MRPL48: variants seen among roughly 807,000 people sequenced by gnomAD.
MRPL48 encodes large ribosomal subunit protein mL48.
Under a neutral mutation model 32.9 loss-of-function variants are expected in MRPL48, and 16 were observed. The ratio of observed to expected loss-of-function variants is 0.49; its 90% CI spans 0.33 to 0.74. The LOEUF is 0.74. Ranked by LOEUF, MRPL48 falls within the 30% of genes least tolerant of loss-of-function variation. The probability of loss-of-function intolerance (pLI) is 0.02; values close to 1 mark genes in which losing one functional copy is unlikely to be tolerated. For missense variants in MRPL48, 206 were observed against 245.3 expected, an observed-to-expected ratio of 0.84 and a Z score of 1.07; for synonymous variants, 94 against 89.2, an observed-to-expected ratio of 1.05 and a Z score of -0.31.
intron 4 of MRPL48, among the ~76,000 whole-genome samples, chr11:73,827,209 C>T (rs1410168993): frequency 1.3e-5 from 2 of 151,924 alleles, no homozygotes; most frequent in Non-Finnish European, 2.9e-5. Flanking sequence ...ATGGCAGGAA[C>T]CCCGTCTCTA....
rs115357570 is a variant in MRPL48 at position 73,788,365 on chromosome 11, G to T, written c.21+373G>T. On this transcript the variant is annotated intron_variant, in intron 1 of 7. Coordinates refer to ENST00000310614, the MANE Select transcript of MRPL48 (RefSeq NM_016055.6). ...ATTTGCATTCAGTTATCAACTTCCA[G>T]AATTTTTTCTAAGAATGCAGTTTTG... 1.0e-2 allele frequency among the ~76,000 whole-genome samples: 1,512 copies of T among 151,826 alleles called. 23 individuals are homozygous for T. The highest frequency in any genetic ancestry group is 0.034 in the African/African-American group (1,421 of 41,438).
chr11:73,811,427 A>T (rs908445815), intron 3 of MRPL48, among the ~76,000 whole-genome samples: 4 of 148,472 alleles, frequency 2.7e-5, no homozygotes, highest in African/African-American at 1.0e-4. Flanking sequence ...CTGAAGAGAG[A>T]TGTAGGGTGA....
Position 73,864,644 on chromosome 11 carries a change from T to C in MRPL48, c.*274T>C. ...GTGAGAGAGAGAAATTGGCCCATCC[T>C]GTGGAGTATCTTTAAGAGATTCTAT... On this transcript the variant is annotated 3_prime_UTR_variant, in exon 8 of 8. Transcript: ENST00000310614. 2.2e-6 allele frequency: 1 copy of C among 456,382 alleles called. No individual in the cohort carries two copies. 28.3% of individuals were successfully genotyped at this position (456,382 alleles called of 1,614,324 possible).
In MRPL48 at chr11:73,812,778, C is replaced by T. The variant is rs186647608; in HGVS notation, c.112+4428C>T. On this transcript the variant is annotated intron_variant, in intron 3 of 7. Coordinates refer to ENST00000310614, the MANE Select transcript of MRPL48 (RefSeq NM_016055.6). Reference sequence around the variant, plus strand: ...TTTTTTATTGTTTTTGAGACTGAGTCACGTTCTGTCACCCAGGCTGGAGTA... The same window carrying T: ...TTTTTTATTGTTTTTGAGACTGAGTTACGTTCTGTCACCCAGGCTGGAGTA... Among the ~76,000 whole-genome samples, 9 of 149,802 alleles carry T rather than the reference C, an allele frequency of 6.0e-5. No homozygotes were observed. The East Asian group carries it at 1.8e-3, about 29-fold the overall frequency.
At chr11:73,859,042 A>T (rs1445076732) in intron 5 of MRPL48, among the ~76,000 whole-genome samples, 1 of 152,188 alleles carries the variant, frequency 6.6e-6, no homozygotes. Context: ...TTTGACTGTG[A>T]CCACTTGGGG....
chr11:73,849,524 T>G (rs1948353404), intron 5 of MRPL48, among the ~76,000 whole-genome samples: 1 of 152,266 alleles, frequency 6.6e-6, no homozygotes, highest in Non-Finnish European at 1.5e-5. Context: ...TTCTTTTTGA[T>G]TCTTCTTTTG....
chr11:73,852,558 T>C (rs1371344149), intron 5 of MRPL48, among the ~76,000 whole-genome samples: 1 of 152,124 alleles, frequency 6.6e-6, no homozygotes, highest in Non-Finnish European at 1.5e-5. Context: ...CAGTGAGATA[T>C]CATCTCATCA....
chr11:73,834,860 C>G (rs1052018972), intron 4 of MRPL48, among the ~76,000 whole-genome samples: 5 of 142,170 alleles, frequency 3.5e-5, no homozygotes, highest in Non-Finnish European at 7.6e-5. Flanking sequence ...GAGACAGGAT[C>G]TCATTCTGTC....
chr11:73,856,930 G>T (rs945205249), intron 5 of MRPL48, among the ~76,000 whole-genome samples: 1 of 152,008 alleles, frequency 6.6e-6, no homozygotes, highest in Admixed American at 6.6e-5. Context: ...AAACCCATAC[G>T]TACTTTTACA....
intron 5 of MRPL48, among the ~76,000 whole-genome samples, chr11:73,859,398 C>T (rs2135088150): frequency 6.6e-6 from 1 of 152,068 alleles, no homozygotes; most frequent in Middle Eastern, 3.4e-3. Flanking sequence ...CTGCCCACCT[C>T]AGCCTCCTGA....
intron 3 of MRPL48, among the ~76,000 whole-genome samples, chr11:73,818,142 A>G (rs1159688059): frequency 2.6e-5 from 4 of 152,108 alleles, no homozygotes; most frequent in Non-Finnish European, 5.9e-5. Context: ...AAATTTCAGA[A>G]TTGAATTACA....
chr11:73,854,030 G>A (rs115541246), intron 5 of MRPL48, among the ~76,000 whole-genome samples: 96 of 152,298 alleles, frequency 6.3e-4, no homozygotes, highest in Middle Eastern at 3.4e-3. Flanking sequence ...AACATTAAAT[G>A]TCAATCACAG....
intron 5 of MRPL48, among the ~76,000 whole-genome samples, chr11:73,848,042 T>G (rs1948326113): frequency 6.6e-6 from 1 of 152,232 alleles, no homozygotes; most frequent in South Asian, 2.1e-4. Context: ...TTCTTTTATA[T>G]CTAAGAAATC....
chr11:73,848,535 G>T (rs1948336217), intron 5 of MRPL48, among the ~76,000 whole-genome samples: 2 of 150,004 alleles, frequency 1.3e-5, no homozygotes, highest in Non-Finnish European at 3.0e-5. Context: ...ATCAATTTGG[G>T]AATAATTGAA....
intron 1 of MRPL48, chr11:73,802,116 G>T (rs971805043): frequency 6.6e-6 from 1 of 152,128 alleles, no homozygotes; most frequent in Admixed American, 6.6e-5. Context: ...CCTCAGCAAC[G>T]TCTGTAACTC....
In MRPL48 at chr11:73,825,718, A is replaced by G. The variant is rs999588001; in HGVS notation, c.123A>G (p.Leu41=). ...TTTTCTCTCTTTTAGGTGGAATTCT[A>G]CTAAGTATCAGTCGGCCCTACAAGA... The part of the protein sequence containing the change: ...EKPIYSVGGI[L]LSISRPYKTK... Residue 41 remains leucine (L), a synonymous_variant, in exon 4 of 8, where the codon CTA becomes CTG. Transcript: ENST00000310614. 7.0e-6 allele frequency: 11 copies of G among 1,561,518 alleles called. No individual in the cohort carries two copies. Among genetic ancestry groups the G allele is most frequent in the Admixed American group, 1.9e-5 (1 of 51,882 alleles).
Position 73,864,299 on chromosome 11 carries a change from A to G in MRPL48, c.568A>G (p.Thr190Ala). 5 of 1,613,646 alleles carry G rather than the reference A, an allele frequency of 3.1e-6. No homozygotes were observed. The highest frequency in any genetic ancestry group is 4.2e-6 in the Non-Finnish European group (5 of 1,179,768). The stretch of plus-strand genomic sequence containing the variant: ...ATTTTCTTTTTCTTCTCCTTAGCAC[A>G]CTGAAGAAGACTTCAAGGGACGATT... ...EGVRLSVKEH[T>A]EEDFKGRFKA... The change falls in exon 8 of 8, where the codon ACT becomes GCT. Residue 190 changes from threonine (T) to alanine (A), a missense_variant. Physicochemically the swap from Thr to Ala is moderately conservative, Grantham distance 58. Coordinates refer to ENST00000310614, the MANE Select transcript of MRPL48 (RefSeq NM_016055.6).
chr11:73,859,855 T>A (rs1388650245), intron 5 of MRPL48, 52 bp from the exon 6 acceptor site: 10 of 1,478,352 alleles, frequency 6.8e-6, no homozygotes, highest in Admixed American at 1.7e-5. Flanking sequence ...ATGATTGAAG[T>A]GGCTGCTGGC....
chr11:73,836,959 C>G (rs989504404), intron 4 of MRPL48, among the ~76,000 whole-genome samples: 5 of 152,160 alleles, frequency 3.3e-5, no homozygotes, highest in Non-Finnish European at 7.3e-5. Flanking sequence ...CCAGTCAGAG[C>G]CAGGCCTTTT....
Sources: gnomAD v4.1 joint callset for allele counts (sites outside exome capture counted in the v4.1 genomes callset) on GRCh38, gnomAD v4.1.1 for gene constraint, MANE v1.5 for transcripts, NCBI Gene and HGNC (gene_info 2026-07-23, HGNC 2026-07-21) for gene names.